Variants in SLC26A8 observed in about 807,000 individuals in gnomAD.
SLC26A8 encodes solute carrier family 26 member 8.
A neutral mutation model predicts 105.0 loss-of-function variants in SLC26A8; 70 were observed. That is an observed-to-expected ratio of 0.67 (90% CI 0.55 to 0.81). The LOEUF is 0.81. SLC26A8 is among the 40% of genes least tolerant of loss of function. The pLI, the probability that SLC26A8 is intolerant of heterozygous loss-of-function variation, is 0.00. For missense variants in SLC26A8, 998 were observed against 1,181.8 expected, an observed-to-expected ratio of 0.84 and a Z score of 2.28; for synonymous variants, 415 against 438.3, an observed-to-expected ratio of 0.95 and a Z score of 0.66.
chr6:36,015,651 A>G (rs952527346), intron 2 of SLC26A8, among the ~76,000 whole-genome samples: 13 of 152,188 alleles, frequency 8.5e-5, no homozygotes, highest in African/African-American at 1.4e-4. Flanking sequence ...AAAGACTATC[A>G]TTTTATAGAG....
In SLC26A8 at chr6:35,963,485, AT is replaced by A. The variant is rs796923285; in HGVS notation, c.1366-865del. ...TCCTCTTGCTGAGGCGCCTCACTGCATCCTTTCGCAGTGTTCTTCCCTTCTA... is the reference window on the plus strand; with the variant it reads ...TCCTCTTGCTGAGGCGCCTCACTGCACCTTTCGCAGTGTTCTTCCCTTCTA... On this transcript the variant is annotated intron_variant, in intron 11 of 19. Coordinates refer to ENST00000490799, the MANE Select transcript of SLC26A8 (RefSeq NM_052961.4). 5.9e-5 allele frequency among the ~76,000 whole-genome samples: 9 copies of A among 152,290 alleles called. 1 individual carries two copies. Among genetic ancestry groups the A allele is most frequent in the African/African-American group, 2.2e-4 (9 of 41,554 alleles).
rs140791327 is a variant in SLC26A8, at chr6:35,964,916, G to A, written c.1366-2295C>T. ...TGGGAGGCAGAGGTTGCAGTGAGCC[G>A]AGATTGGGCCACCGCTCTCCAGTCT... On this transcript the variant is annotated intron_variant, in intron 11 of 19. Transcript: ENST00000490799. Among the ~76,000 whole-genome samples the A allele has an allele frequency of 1.7e-3, 248 of 150,160 alleles. 4 individuals carry two copies. The South Asian group carries it at 0.025, about 15-fold the overall frequency.
At position 35,943,618 on chromosome 6, in the gene SLC26A8, G is replaced by C. The variant is rs1771560833; in HGVS notation, c.*282C>G. 2.5e-6 allele frequency: 1 copy of C among 394,698 alleles called. No individual in the cohort carries two copies. The allele number at this position is 394,698 out of a possible 1,614,324, so 24.4% of individuals were successfully genotyped here. A position where few individuals can be genotyped will look rare whatever the true frequency, so the allele number is the denominator to read the frequency against. On this transcript the variant is annotated 3_prime_UTR_variant, in exon 20 of 20. Coordinates refer to ENST00000490799, the MANE Select transcript of SLC26A8 (RefSeq NM_052961.4). Reference sequence around the variant, plus strand: ...ATGGTCTGGCACAAAGCCCAGAGATGTGGGGTGTGTGAAGAAGGAAATTCA... The same window carrying C: ...ATGGTCTGGCACAAAGCCCAGAGATCTGGGGTGTGTGAAGAAGGAAATTCA...
intron 9 of SLC26A8, 50 bp from the exon 10 acceptor site, chr6:35,975,538 C>A: frequency 8.7e-7 from 1 of 1,151,642 alleles, no homozygotes; most frequent in Non-Finnish European, 1.3e-6. Flanking sequence ...TTGAAGAATG[C>A]TGATTTTGAG....
intron 11 of SLC26A8, among the ~76,000 whole-genome samples, 177 bp from the exon 12 acceptor site, chr6:35,962,798 C>T (rs998776715): frequency 5.9e-5 from 9 of 152,112 alleles, no homozygotes; most frequent in African/African-American, 1.9e-4. Flanking sequence ...ATTTTCTCTA[C>T]GTTTCTCTTT....
chr6:35,991,903 C>A, intron 6 of SLC26A8, 95 bp from the exon 7 acceptor site: 1 of 1,252,010 alleles, frequency 8.0e-7, no homozygotes, highest in Non-Finnish European at 1.1e-6. Flanking sequence ...AAAGAAGTCC[C>A]CAAGTAGAGT....
At chr6:35,949,184 A>C (rs1338223574) in intron 19 of SLC26A8, among the ~76,000 whole-genome samples, 2 of 152,218 alleles carry the variant, frequency 1.3e-5, no homozygotes, top group Admixed American at 1.3e-4. Flanking sequence ...CTGTAATCCC[A>C]GCACTTTGGG....
chr6:35,960,632 C>T (rs886374738), intron 14 of SLC26A8: 10 of 596,212 alleles, frequency 1.7e-5, no homozygotes, highest in Middle Eastern at 4.5e-4. Context: ...CTGTACTGTC[C>T]AGCTTGGGTG....
At chr6:35,975,174 T>C (rs1436280919) in intron 10 of SLC26A8, among the ~76,000 whole-genome samples, 2 of 152,162 alleles carry the variant, frequency 1.3e-5, no homozygotes, top group Non-Finnish European at 2.9e-5. Flanking sequence ...AAGTTCCACA[T>C]TGACAAGTAA....
At chr6:35,972,328 G>T (rs941262765) in intron 10 of SLC26A8, among the ~76,000 whole-genome samples, 4 of 151,928 alleles carry the variant, frequency 2.6e-5, no homozygotes, top group Admixed American at 2.6e-4. Flanking sequence ...TAGCACTCTG[G>T]GGGGCTGAAG....
chr6:36,016,718 C>G (rs1001696786), intron 2 of SLC26A8, among the ~76,000 whole-genome samples: 2 of 152,198 alleles, frequency 1.3e-5, no homozygotes, highest in African/African-American at 4.8e-5. Flanking sequence ...AAGACAATCT[C>G]TTCAACTAAT....
rs766192895 is a variant in SLC26A8 at position 36,000,071 on chromosome 6, A to G, written c.366T>C (p.Pro122=). The G allele has an allele frequency of 2.5e-6, 4 of 1,614,144 alleles. No homozygotes were observed. The Admixed American group carries it at 6.7e-5, about 27-fold the overall frequency. The change falls in exon 4 of 20, where the codon CCT becomes CCC. Residue 122 remains proline, a synonymous_variant. Coordinates refer to ENST00000490799, the MANE Select transcript of SLC26A8 (RefSeq NM_052961.4). ...AAGCTGCATAAGCGATGTTGAGAGG[A>G]GGAATCAGTTGCCTTGCCAGCAAAC... ...TLSLLARQLI[P]PLNIAYAAFC...
chr6:35,987,606 C>G (rs1274346649), intron 7 of SLC26A8, among the ~76,000 whole-genome samples: 2 of 152,126 alleles, frequency 1.3e-5, no homozygotes, highest in Non-Finnish European at 2.9e-5. Flanking sequence ...CTCCTGACCT[C>G]GTGATCCACC....
chr6:36,018,177 T>C (rs1227854964), intron 2 of SLC26A8, among the ~76,000 whole-genome samples: 1 of 152,240 alleles, frequency 6.6e-6, no homozygotes, highest in Non-Finnish European at 1.5e-5. Context: ...ATTCTAGTCC[T>C]AGTTATAGGA....
chr6:35,951,075 T>G, intron 19 of SLC26A8, 88 bp downstream of exon 19: 1 of 1,300,546 alleles, frequency 7.7e-7, no homozygotes. Flanking sequence ...TCAGGAATCC[T>G]GACTCCCAGC....
intron 10 of SLC26A8, among the ~76,000 whole-genome samples, chr6:35,972,276 G>A (rs1299861088): frequency 2.0e-5 from 3 of 152,024 alleles, no homozygotes; most frequent in Non-Finnish European, 4.4e-5. Flanking sequence ...TGAATCAAGA[G>A]CCCCCAGCGG....
chr6:35,967,575 G>A (rs2127307561), intron 11 of SLC26A8, among the ~76,000 whole-genome samples: 1 of 152,322 alleles, frequency 6.6e-6, no homozygotes, highest in South Asian at 2.1e-4. Flanking sequence ...TGAATACTGA[G>A]TTAAGACACA....
chr6:35,982,997 A>T (rs1773340588), intron 7 of SLC26A8, among the ~76,000 whole-genome samples: 1 of 152,382 alleles, frequency 6.6e-6, no homozygotes. Context: ...GTCAATGCAG[A>T]TTAAACCAGA....
At chr6:35,984,563 A>G (rs1773417111) in intron 7 of SLC26A8, among the ~76,000 whole-genome samples, 2 of 151,934 alleles carry the variant, frequency 1.3e-5, no homozygotes, top group Admixed American at 1.3e-4. Context: ...ACCTCGAGCA[A>G]TCCACCTGCC....
Sources: allele counts gnomAD v4.1 joint callset (sites outside exome capture counted in the v4.1 genomes callset), GRCh38; gene constraint gnomAD v4.1.1; transcripts MANE v1.5; gene names NCBI Gene and HGNC (gene_info 2026-07-23, HGNC 2026-07-21).